The following TSPAN13 variants were observed in gnomAD, a reference collection of about 807,000 sequenced individuals.
The protein encoded by TSPAN13 is tetraspanin 13.
Under a neutral mutation model 26.9 loss-of-function variants are expected in TSPAN13, and 18 were observed. The observed-to-expected ratio is 0.67, with a 90% CI of 0.46 to 0.99. The LOEUF is 0.99. TSPAN13 is among the 50% of genes least tolerant of loss of function. TSPAN13 has a pLI of 0.00. For synonymous variants in TSPAN13, 116 were observed against 98.4 expected (o/e 1.18, Z -1.06); for missense variants, 201 against 249.6 (o/e 0.81, Z 1.31).
intron 1 of TSPAN13, among the ~76,000 whole-genome samples, chr7:16,768,264 GT>G (rs1248227566): frequency 1.3e-5 from 2 of 152,154 alleles, no homozygotes; most frequent in African/African-American, 4.8e-5. Context: ...CTAGTCCTAG[GT>G]GTCTCTCACA....
chr7:16,766,201 C>T (rs150544371), intron 1 of TSPAN13, among the ~76,000 whole-genome samples: 14 of 152,234 alleles, frequency 9.2e-5, no homozygotes, highest in African/African-American at 3.4e-4. Context: ...CACAAGAAAA[C>T]ACATTGTTTT....
rs1009801372 is a variant in TSPAN13 at position 16,783,956 on chromosome 7, AT to A, written c.*473del. 2.4e-5 allele frequency: 3 copies of A among 126,814 alleles called. No homozygotes were observed. The highest frequency in any genetic ancestry group is 9.2e-5 in the Admixed American group (1 of 10,832). 7.9% of individuals were successfully genotyped at this position (126,814 alleles called of 1,614,324 possible). A position where few individuals can be genotyped will look rare whatever the true frequency, so the allele number is the denominator to read the frequency against. On this transcript the variant is annotated 3_prime_UTR_variant, in exon 6 of 6. Transcript: ENST00000262067. Reference sequence around the variant, plus strand: ...ATGTTAAGGGAAATCCAAATTCCCAATTTTTTTTGGTCTTTTTAGGAAAGAT... The same window carrying A: ...ATGTTAAGGGAAATCCAAATTCCCAATTTTTTTGGTCTTTTTAGGAAAGAT...
chr7:16,781,248 A>G (rs1784810720), intron 5 of TSPAN13, among the ~76,000 whole-genome samples: 1 of 152,206 alleles, frequency 6.6e-6, no homozygotes, highest in Non-Finnish European at 1.5e-5. Context: ...ACAATCATTT[A>G]TATTGTGGCA....
In TSPAN13 at chr7:16,753,843, C is replaced by G; in HGVS notation, c.-125C>G. Reference sequence around the variant, plus strand: ...CGCACTGCAGCCCCAGGCCCCGGCCCCCCACCCACGTCTGCGTTGCTGCCC... The same window carrying G: ...CGCACTGCAGCCCCAGGCCCCGGCCGCCCACCCACGTCTGCGTTGCTGCCC... On this transcript the variant is annotated 5_prime_UTR_variant, in exon 1 of 6. Coordinates refer to ENST00000262067, the MANE Select transcript of TSPAN13 (RefSeq NM_014399.4). The G allele has an allele frequency of 9.6e-7, 1 of 1,043,612 alleles. No homozygotes were observed. The highest frequency in any genetic ancestry group is 1.4e-6 in the Non-Finnish European group (1 of 692,450). The allele number at this position is 1,043,612 out of a possible 1,614,324, so 64.6% of individuals were successfully genotyped here. A position where few individuals can be genotyped will look rare whatever the true frequency, so the allele number is the denominator to read the frequency against.
At chr7:16,775,125 A>T (rs574560924) in intron 1 of TSPAN13, among the ~76,000 whole-genome samples, 8 of 152,210 alleles carry the variant, frequency 5.3e-5, no homozygotes, top group Non-Finnish European at 1.0e-4. Context: ...ATTGGGTATT[A>T]TGCTGTCAGA....
At chr7:16,778,979 GT>G in intron 4 of TSPAN13, 23 bp from the exon 5 acceptor site, 1 of 1,526,678 alleles carries the variant, frequency 6.6e-7, no homozygotes, top group Non-Finnish European at 8.9e-7. Flanking sequence ...TGAAATAAAG[GT>G]TTTTTTACTT....
chr7:16,764,872 C>T (rs1784588201), intron 1 of TSPAN13, among the ~76,000 whole-genome samples: 1 of 151,970 alleles, frequency 6.6e-6, no homozygotes, highest in African/African-American at 2.4e-5. Context: ...AGATTAGGAT[C>T]CCTGGCCAGG....
At chr7:16,765,256 C>T (rs1784592600) in intron 1 of TSPAN13, among the ~76,000 whole-genome samples, 1 of 136,352 alleles carries the variant, frequency 7.3e-6, no homozygotes, top group Non-Finnish European at 1.6e-5. Context: ...GTTGCCACTG[C>T]ACCTGGCTAA....
In TSPAN13 at chr7:16,783,048, C is replaced by T. The variant is rs10215261; in HGVS notation, c.541-369C>T. On this transcript the variant is annotated intron_variant, in intron 5 of 5. Transcript: ENST00000262067. ...TTTCTGACTCTGTCCTTCCTGCCTCCGTCATATGTGTCCCCCTGTGATTAT... is the reference window on the plus strand; with the variant it reads ...TTTCTGACTCTGTCCTTCCTGCCTCTGTCATATGTGTCCCCCTGTGATTAT... Among the ~76,000 whole-genome samples, 629 of 152,242 alleles carry T rather than the reference C, an allele frequency of 4.1e-3. 5 individuals are homozygous for T. Among genetic ancestry groups the T allele is most frequent in the African/African-American group, 0.014 (589 of 41,532 alleles).
intron 1 of TSPAN13, among the ~76,000 whole-genome samples, chr7:16,774,159 C>A (rs757858340): frequency 6.6e-6 from 1 of 152,182 alleles, no homozygotes; most frequent in Non-Finnish European, 1.5e-5. Flanking sequence ...GAGTTTCCAG[C>A]CTGCTGGCCA....
chr7:16,773,170 G>A (rs1416728518), intron 1 of TSPAN13, among the ~76,000 whole-genome samples: 1 of 150,934 alleles, frequency 6.6e-6, no homozygotes, highest in Non-Finnish European at 1.5e-5. Context: ...ATCTTGGGGG[G>A]GGGCGGTTAG....
chr7:16,756,129 A>G (rs1387127025), intron 1 of TSPAN13, among the ~76,000 whole-genome samples: 1 of 152,202 alleles, frequency 6.6e-6, no homozygotes, highest in Non-Finnish European at 1.5e-5. Flanking sequence ...AGTTGGATCA[A>G]GTCTTAGATA....
intron 1 of TSPAN13, among the ~76,000 whole-genome samples, chr7:16,760,355 GT>G (rs1376502659): frequency 6.6e-6 from 1 of 152,152 alleles, no homozygotes; most frequent in Non-Finnish European, 1.5e-5. Flanking sequence ...TTCTGAGAGT[GT>G]TTTGGAGGTA....
In TSPAN13 at chr7:16,781,567, G is replaced by A. The variant is rs150355024; in HGVS notation, c.541-1850G>A. ...CCTCTCTGAACAGTCGGGCAAGGAA[G>A]GGGAGAGATTTTCCCCTTTTGGCGC... On this transcript the variant is annotated intron_variant, in intron 5 of 5. Coordinates refer to ENST00000262067, the MANE Select transcript of TSPAN13 (RefSeq NM_014399.4). Among the ~76,000 whole-genome samples, 755 of 152,294 alleles carry A rather than the reference G, an allele frequency of 5.0e-3. 3 individuals carry two copies. Among genetic ancestry groups the A allele is most frequent in the Non-Finnish European group, 8.5e-3 (581 of 68,020 alleles).
intron 1 of TSPAN13, among the ~76,000 whole-genome samples, chr7:16,772,614 T>TA (rs1485604555): frequency 6.6e-6 from 1 of 152,232 alleles, no homozygotes; most frequent in Non-Finnish European, 1.5e-5. Context: ...GGATACCTGT[T>TA]ATGACATTTA....
At chr7:16,782,094 G>A (rs556587175) in intron 5 of TSPAN13, among the ~76,000 whole-genome samples, 1 of 152,124 alleles carries the variant, frequency 6.6e-6, no homozygotes, top group East Asian at 1.9e-4. Flanking sequence ...GCTATTGGGG[G>A]GATTATATGA....
chr7:16,763,883 A>C lies in TSPAN13; in HGVS notation c.63+9853A>C, dbSNP rs535126810. Among the ~76,000 whole-genome samples the C allele has an allele frequency of 1.1e-3, 163 of 152,290 alleles. 1 individual carries two copies. The highest frequency in any genetic ancestry group is 3.4e-3 in the African/African-American group (140 of 41,562). ...TCTTATTCTGGGCAGCAACTTCCCC[A>C]GTTCTTCTGTTCTTAATTCTAGCAT... On this transcript the variant is annotated intron_variant, in intron 1 of 5. Transcript: ENST00000262067.
At chr7:16,779,340 G>T (rs185845329) in intron 5 of TSPAN13, among the ~76,000 whole-genome samples, 1 of 152,206 alleles carries the variant, frequency 6.6e-6, no homozygotes, top group East Asian at 1.9e-4. Flanking sequence ...AAAATTTAAT[G>T]AACTAATGAG....
At chr7:16,781,304 T>G (rs1243635494) in intron 5 of TSPAN13, among the ~76,000 whole-genome samples, 1 of 152,212 alleles carries the variant, frequency 6.6e-6, no homozygotes, top group Non-Finnish European at 1.5e-5. Context: ...AGTACCAGCT[T>G]ATTGCATATT....
Sources: gnomAD v4.1 joint callset for allele counts (sites outside exome capture counted in the v4.1 genomes callset) on GRCh38, gnomAD v4.1.1 for gene constraint, MANE v1.5 for transcripts, NCBI Gene and HGNC (gene_info 2026-07-23, HGNC 2026-07-21) for gene names.